SNX29: variants seen among roughly 807,000 people sequenced by gnomAD.
The protein encoded by SNX29 is sorting nexin 29.
SNX29 carries 78 observed loss-of-function variants against 102.1 expected under a neutral mutation model. The ratio of observed to expected loss-of-function variants is 0.76; its 90% CI spans 0.64 to 0.92. The LOEUF is 0.92. Among genes scored for constraint, SNX29 ranks in the 40% least tolerant of loss-of-function variants. SNX29 has a pLI of 0.00. For missense variants in SNX29, 1,280 were observed against 1,061.7 expected (o/e 1.21, Z -2.86); for synonymous variants, 580 against 414.5 (o/e 1.40, Z -4.85).
intron 20 of SNX29, among the ~76,000 whole-genome samples, chr16:12,531,544 C>G (rs1053334197): frequency 6.6e-6 from 1 of 152,030 alleles, no homozygotes; most frequent in African/African-American, 2.4e-5. Context: ...CCCCGTGGTC[C>G]TCATGGCAAG....
At chr16:12,555,895 C>A (rs911541836) in intron 20 of SNX29, among the ~76,000 whole-genome samples, 1 of 152,056 alleles carries the variant, frequency 6.6e-6, no homozygotes, top group Non-Finnish European at 1.5e-5. Flanking sequence ...CCCTCCTGTT[C>A]TTGGTCTCAA....
chr16:12,332,728 C>T (rs191817138), intron 15 of SNX29, among the ~76,000 whole-genome samples: 190 of 152,312 alleles, frequency 1.2e-3, no homozygotes, highest in African/African-American at 4.4e-3. Flanking sequence ...CTTATCCTCC[C>T]AGCCTGATCT....
chr16:12,178,444 G>T (rs1051334592), intron 13 of SNX29, among the ~76,000 whole-genome samples: 1 of 152,140 alleles, frequency 6.6e-6, no homozygotes, highest in Admixed American at 6.5e-5. Flanking sequence ...CAGTCAGGAC[G>T]GCACCCAGCT....
intron 11 of SNX29, among the ~76,000 whole-genome samples, chr16:12,105,785 C>G (rs908027966): frequency 6.6e-6 from 1 of 152,136 alleles, no homozygotes; most frequent in African/African-American, 2.4e-5. Flanking sequence ...ACAGGTGAGC[C>G]ACAGTCCTTG....
At chr16:12,019,773 A>G (rs150056323) in intron 3 of SNX29, among the ~76,000 whole-genome samples, 196 of 151,692 alleles carry the variant, frequency 1.3e-3, no homozygotes, top group African/African-American at 4.6e-3. Context: ...AGTAGCTGGG[A>G]TTACAGGCAC....
intron 14 of SNX29, among the ~76,000 whole-genome samples, chr16:12,277,327 G>A (rs1172819242): frequency 6.6e-6 from 1 of 152,096 alleles, no homozygotes; most frequent in Non-Finnish European, 1.5e-5. Context: ...TTGAGCCCAG[G>A]AGTTCGAGGC....
intron 19 of SNX29, among the ~76,000 whole-genome samples, chr16:12,522,295 G>C (rs2090130838): frequency 6.6e-6 from 1 of 152,156 alleles, no homozygotes; most frequent in Non-Finnish European, 1.5e-5. Context: ...TGGGTGCCGT[G>C]TATTCTCATT....
chr16:12,087,845 G>A (rs11648228), intron 11 of SNX29: 35 of 456,678 alleles, frequency 7.7e-5, no homozygotes, highest in South Asian at 2.6e-4. Context: ...CCTGGTTGAC[G>A]TGGCTGGGAA....
At chr16:12,082,024 A>G (rs1037365260) in intron 11 of SNX29, 1 of 152,224 alleles carries the variant, frequency 6.6e-6, no homozygotes, top group Non-Finnish European at 1.5e-5. Flanking sequence ...ATGGTAATGG[A>G]GAGGACTGAG....
chr16:12,542,920 C>G lies in SNX29; in HGVS notation c.2318+18079C>G, dbSNP rs139293953. On this transcript the variant is annotated intron_variant, in intron 20 of 20. Coordinates refer to ENST00000566228, the MANE Select transcript of SNX29 (RefSeq NM_032167.5). ...ATTTGAGTAGGGAATCTTTGCTTAG[C>G]AAAACTATAGAGCCCTACTTCAAAT... 5.3e-5 allele frequency among the ~76,000 whole-genome samples: 8 copies of G among 152,214 alleles called. No homozygotes were observed. In the East Asian group the frequency reaches 1.5e-3, roughly 29 times the overall value.
At chr16:12,540,700 A>G (rs2077293896) in intron 20 of SNX29, among the ~76,000 whole-genome samples, 2 of 152,174 alleles carry the variant, frequency 1.3e-5, no homozygotes, top group Admixed American at 6.5e-5. Flanking sequence ...AGAAGCTCAC[A>G]TATGAAGACG....
At position 12,418,581 on chromosome 16, in the gene SNX29, C is replaced by T. The variant is rs943166852; in HGVS notation, c.2037+15052C>T. 5.3e-5 allele frequency among the ~76,000 whole-genome samples: 8 copies of T among 151,780 alleles called. 1 individual carries two copies. The highest frequency in any genetic ancestry group is 3.2e-3 in the Middle Eastern group (1 of 316). ...CCAGGCTGGAGTGCGGTGGCACGAT[C>T]TTGGCTCACTGCAACCTCCACCTCC... On this transcript the variant is annotated intron_variant, in intron 18 of 20. Transcript: ENST00000566228.
At chr16:12,079,741 G>C (rs770485226) in intron 11 of SNX29, among the ~76,000 whole-genome samples, 1 of 152,180 alleles carries the variant, frequency 6.6e-6, no homozygotes, top group African/African-American at 2.4e-5. Flanking sequence ...GGCTGGGGCT[G>C]GTATGTGGCT....
intron 20 of SNX29, 75 bp from the exon 21 acceptor site, chr16:12,568,431 T>A: frequency 3.2e-6 from 5 of 1,579,224 alleles, no homozygotes; most frequent in Non-Finnish European, 4.3e-6. Context: ...CCCTCACACC[T>A]GGCTCCCCTT....
At chr16:12,318,672 A>T (rs2080833489) in intron 15 of SNX29, among the ~76,000 whole-genome samples, 1 of 151,822 alleles carries the variant, frequency 6.6e-6, no homozygotes, top group African/African-American at 2.4e-5. Flanking sequence ...TGGCCCAATA[A>T]CAAGATGCAG....
At chr16:12,204,542 C>T (rs1027774400) in intron 14 of SNX29, among the ~76,000 whole-genome samples, 1 of 152,170 alleles carries the variant, frequency 6.6e-6, no homozygotes, top group African/African-American at 2.4e-5. Context: ...GAGCTCTCCT[C>T]GGCATCCCCA....
rs540124578 is a variant in SNX29, at chr16:12,210,602, C to T, written c.1678+10919C>T. On this transcript the variant is annotated intron_variant, in intron 14 of 20. Transcript: ENST00000566228. The stretch of plus-strand genomic sequence containing the variant: ...TGAAGCTCCCTCTCCCTCTGGACTC[C>T]TCCACTGCCGAGCTTCCACCACCTT... Among the ~76,000 whole-genome samples, 25 of 152,192 alleles carry T rather than the reference C, an allele frequency of 1.6e-4. No homozygotes were observed. In the East Asian group the frequency reaches 4.6e-3, roughly 28 times the overall value.
chr16:12,378,764 C>T (rs1348330064), intron 16 of SNX29, among the ~76,000 whole-genome samples: 1 of 152,180 alleles, frequency 6.6e-6, no homozygotes, highest in Non-Finnish European at 1.5e-5. Flanking sequence ...AAACCTGGTA[C>T]ATTTCTGCCT....
intron 16 of SNX29, among the ~76,000 whole-genome samples, chr16:12,364,203 G>GTTATGTTATGTTATGTT (rs2082389775): frequency 6.7e-6 from 1 of 149,348 alleles, no homozygotes; most frequent in Non-Finnish European, 1.5e-5. Flanking sequence ...GTTATGTTAT[G>GTTATGTTATGTTATGTT]TTATGTTATG....
Sources: allele counts gnomAD v4.1 joint callset (sites outside exome capture counted in the v4.1 genomes callset), GRCh38; gene constraint gnomAD v4.1.1; transcripts MANE v1.5; gene names NCBI Gene and HGNC (gene_info 2026-07-23, HGNC 2026-07-21).